The following TBL1X variants were observed in gnomAD, a reference collection of about 807,000 sequenced individuals.
TBL1X encodes transducin beta like 1 X-linked.
Under a neutral mutation model 50.7 loss-of-function variants are expected in TBL1X, and 10 were observed. That is an observed-to-expected ratio of 0.20 (90% CI 0.12 to 0.33). TBL1X has a LOEUF of 0.33. Among genes scored for constraint, TBL1X ranks in the 10% least tolerant of loss-of-function variants. The pLI, the probability that TBL1X is intolerant of heterozygous loss-of-function variation, is 1.00. For synonymous variants in TBL1X, 190 were observed against 214.7 expected (o/e 0.88, Z 1.01); for missense variants, 340 against 504.4 (o/e 0.67, Z 3.12).
intron 12 of TBL1X, 66 bp from the exon 13 acceptor site, chrX:9,704,927 A>C (rs753972507): frequency 8.3e-7 from 1 of 1,199,136 alleles, no homozygotes; most frequent in East Asian, 3.0e-5. Flanking sequence ...TGTGCTGTTC[A>C]TTGTTGTAAA....
chrX:9,509,536 G>A (rs1414174405), intron 2 of TBL1X, among the ~76,000 whole-genome samples: 1 of 95,260 alleles, frequency 1.0e-5, no homozygotes, highest in Non-Finnish European at 2.1e-5. Context: ...CCAGGCTGGA[G>A]TGTTAGTTAT....
intron 2 of TBL1X, among the ~76,000 whole-genome samples, chrX:9,595,314 G>A (rs977319542): frequency 8.9e-6 from 1 of 111,979 alleles, no homozygotes; most frequent in Non-Finnish European, 1.9e-5. Flanking sequence ...AAGGGGCCAG[G>A]GACTCAAATA....
chrX:9,658,037 C>T (rs995962538), intron 5 of TBL1X, among the ~76,000 whole-genome samples: 1 of 111,204 alleles, frequency 9.0e-6, no homozygotes, highest in African/African-American at 3.3e-5. Context: ...GTGAATAGGT[C>T]TCACGAGACC....
intron 5 of TBL1X, among the ~76,000 whole-genome samples, chrX:9,683,670 C>T (rs747368248): frequency 8.1e-5 from 9 of 111,536 alleles, no homozygotes; most frequent in Non-Finnish European, 1.7e-4. Context: ...CACAGTCTTA[C>T]GAACCACGGA....
At chrX:9,491,401 C>T (rs1210094645) in intron 1 of TBL1X, among the ~76,000 whole-genome samples, 1 of 93,996 alleles carries the variant, frequency 1.1e-5, no homozygotes, top group Non-Finnish European at 2.1e-5. Flanking sequence ...AGTGTAGTGG[C>T]ATGATCTCGG....
At chrX:9,713,265 G>A (rs901076073) in intron 16 of TBL1X, among the ~76,000 whole-genome samples, 2 of 111,059 alleles carry the variant, frequency 1.8e-5, no homozygotes, top group Non-Finnish European at 3.8e-5. Context: ...AAGAGTCTCC[G>A]TTCCTGAAAT....
At chrX:9,489,217 G>C (rs979323833) in intron 1 of TBL1X, among the ~76,000 whole-genome samples, 1 of 110,158 alleles carries the variant, frequency 9.1e-6, no homozygotes, top group African/African-American at 3.3e-5. Flanking sequence ...CAGAGGTAGC[G>C]GGTGGGGCCT....
intron 2 of TBL1X, among the ~76,000 whole-genome samples, chrX:9,526,166 GAA>G (rs1334824175): frequency 9.3e-6 from 1 of 107,303 alleles, no homozygotes; most frequent in Non-Finnish European, 1.9e-5. Context: ...GAGAGAGAGA[GAA>G]AAGAGAGAGA....
At chrX:9,694,684 A>G (rs2083120240) in intron 11 of TBL1X, among the ~76,000 whole-genome samples, 2 of 111,940 alleles carry the variant, frequency 1.8e-5, no homozygotes, top group African/African-American at 3.3e-5. Flanking sequence ...TTATAAAATG[A>G]TAGAGTTGGC....
In TBL1X at chrX:9,691,726, G is replaced by A. The variant is rs2301675; in HGVS notation, c.749+15G>A. ...CTAGCCTCCGGGTAAGGATGTCAGGGTGGGGGGCGCTCCAGAGTTGGGGAG... is the reference window on the plus strand; with the variant it reads ...CTAGCCTCCGGGTAAGGATGTCAGGATGGGGGGCGCTCCAGAGTTGGGGAG... On this transcript the variant is annotated intron_variant, in intron 8 of 17. Coordinates refer to ENST00000645353, the MANE Select transcript of TBL1X (RefSeq NM_005647.4). The A allele has an allele frequency of 0.43, 518,713 of 1,204,543 alleles. 76,408 individuals carry two copies. The highest frequency in any genetic ancestry group is 0.5 in the South Asian group (28,344 of 56,368).
At chrX:9,667,800 T>A (rs1447482803) in intron 5 of TBL1X, among the ~76,000 whole-genome samples, 1 of 112,010 alleles carries the variant, frequency 8.9e-6, no homozygotes, top group Non-Finnish European at 1.9e-5. Context: ...AAAGTAAAGA[T>A]TTTTTCCTTC....
Position 9,667,754 on chromosome X carries a change from T to A in TBL1X, c.211+13432T>A, listed in dbSNP as rs777214039. Among the ~76,000 whole-genome samples, 3 of 112,066 alleles carry A rather than the reference T, an allele frequency of 2.7e-5. No individual in the cohort carries two copies. The South Asian group carries it at 1.1e-3, about 42-fold the overall frequency. On this transcript the variant is annotated intron_variant, in intron 5 of 17. Transcript: ENST00000645353. ...TTCAGTTGGCTTCATGCTGTCTTCATTGGGTCCTGTTGTTTGGAAAGCTGA... is the reference window on the plus strand; with the variant it reads ...TTCAGTTGGCTTCATGCTGTCTTCAATGGGTCCTGTTGTTTGGAAAGCTGA...
intron 2 of TBL1X, among the ~76,000 whole-genome samples, chrX:9,525,012 T>C (rs2082125264): frequency 9.0e-6 from 1 of 111,487 alleles, no homozygotes; most frequent in Admixed American, 9.5e-5. Flanking sequence ...TTGGAGGGAG[T>C]TGGCAATGGA....
intron 1 of TBL1X, among the ~76,000 whole-genome samples, chrX:9,481,778 G>A (rs1483493810): frequency 8.9e-6 from 1 of 112,126 alleles, no homozygotes; most frequent in Non-Finnish European, 1.9e-5. Context: ...ACAAGTATTT[G>A]CAGGCACAGA....
intron 1 of TBL1X, among the ~76,000 whole-genome samples, chrX:9,480,903 T>C (rs1325607932): frequency 3.6e-5 from 4 of 111,051 alleles, no homozygotes; most frequent in Non-Finnish European, 5.7e-5. Flanking sequence ...TGGCTTTCTT[T>C]GGACTGTATT....
intron 5 of TBL1X, among the ~76,000 whole-genome samples, chrX:9,665,574 G>C (rs1302110144): frequency 1.4e-5 from 1 of 71,995 alleles, no homozygotes; most frequent in Non-Finnish European, 2.5e-5. Context: ...CTTGGATCTT[G>C]TTTAAGAAAA....
At chrX:9,520,095 C>T (rs2082099566) in intron 2 of TBL1X, among the ~76,000 whole-genome samples, 1 of 111,911 alleles carries the variant, frequency 8.9e-6, no homozygotes, top group Admixed American at 9.5e-5. Context: ...CTTCCTTCGT[C>T]ATTGAACGAT....
intron 2 of TBL1X, among the ~76,000 whole-genome samples, chrX:9,630,252 T>C (rs935960861): frequency 8.1e-5 from 9 of 111,793 alleles, no homozygotes; most frequent in African/African-American, 2.9e-4. Flanking sequence ...AATCACTCGA[T>C]GTTTCGTTTC....
chrX:9,535,181 A>G (rs769732442), intron 2 of TBL1X: 2 of 111,542 alleles, frequency 1.8e-5, no homozygotes, highest in African/African-American at 3.3e-5. Flanking sequence ...CTTTTCCCCT[A>G]AAAAGAAGCT....
Sources: gnomAD v4.1 joint callset for allele counts (sites outside exome capture counted in the v4.1 genomes callset) on GRCh38, gnomAD v4.1.1 for gene constraint, MANE v1.5 for transcripts, NCBI Gene and HGNC (gene_info 2026-07-23, HGNC 2026-07-21) for gene names.